Variants in TSC2 observed in about 807,000 individuals in gnomAD.
The protein encoded by TSC2 is TSC complex subunit 2.
In TSC2, 29 loss-of-function variants were observed where a neutral mutation model predicts 202.2. That is an observed-to-expected ratio of 0.14 (90% CI 0.11 to 0.20). TSC2 has a LOEUF of 0.20. Ranked by LOEUF, TSC2 falls within the 10% of genes least tolerant of loss-of-function variation. The pLI, the probability that TSC2 is intolerant of heterozygous loss-of-function variation, is 1.00. For synonymous variants in TSC2, 1,349 were observed against 1,044.0 expected (o/e 1.29, Z -5.63); for missense variants, 2,429 against 2,420.0 (o/e 1.00, Z -0.08).
In TSC2 at chr16:2,086,750, C is replaced by G. The variant is rs397515220; in HGVS notation, c.4868C>G (p.Thr1623Ser). Residue 1623 changes from threonine to serine, a missense_variant, in exon 38 of 42, where the codon ACC (threonine) becomes AGC (serine). By Grantham distance (58) the Thr-to-Ser change is moderately conservative. Coordinates refer to ENST00000219476, the MANE Select transcript of TSC2 (RefSeq NM_000548.5). The stretch of plus-strand genomic sequence containing the variant: ...CCCTCAGCCGTCTTCCACATCGCCA[C>G]CCTGATGCCCACCAAGGACGTGGAC... ...DIMQAVFHIA[T>S]LMPTKDVDKH... 1.9e-6 allele frequency: 3 copies of G among 1,610,798 alleles called. No homozygotes were observed. Among genetic ancestry groups the G allele is most frequent in the South Asian group, 1.1e-5 (1 of 91,006 alleles).
intron 10 of TSC2, among the ~76,000 whole-genome samples, chr16:2,059,401 G>A (rs980612912): frequency 2.2e-5 from 3 of 135,670 alleles, no homozygotes; most frequent in African/African-American, 8.5e-5. Context: ...GGAGTGCAAT[G>A]GTGCGATCTC....
At position 2,084,100 on chromosome 16, in the gene TSC2, C is replaced by T. The variant is rs1317014106; in HGVS notation, c.4006-128C>T. On this transcript the variant is annotated intron_variant, in intron 33 of 41. Transcript: ENST00000219476. The stretch of plus-strand genomic sequence containing the variant: ...CTGCGTCAACGGGCGGGGGCCGTAG[C>T]CTGGTGCTCGGGCTGGTCTGTGGCC... The T allele has an allele frequency of 8.0e-6, 12 of 1,504,978 alleles. No individual in the cohort carries two copies. In the Admixed American group the frequency reaches 2.4e-4, roughly 30 times the overall value. 93.2% of individuals were successfully genotyped at this position (1,504,978 alleles called of 1,614,324 possible).
At chr16:2,057,063 G>A in intron 8 of TSC2, 42 bp from the exon 9 acceptor site, 1 of 1,548,912 alleles carries the variant, frequency 6.5e-7, no homozygotes, top group Non-Finnish European at 8.7e-7. Flanking sequence ...CTGGGGGCAG[G>A]GCTTATGCCT....
chr16:2,082,532 G>T, intron 32 of TSC2, 28 bp downstream of exon 32: 1 of 1,607,134 alleles, frequency 6.2e-7, no homozygotes, highest in Non-Finnish European at 8.5e-7. Context: ...GAAGCGGTTG[G>T]CTGCAGAGCG....
At chr16:2,074,661 G>A in intron 22 of TSC2, 1 of 537,394 alleles carries the variant, frequency 1.9e-6, no homozygotes, top group Non-Finnish European at 3.4e-6. Flanking sequence ...CCTGGTTTTG[G>A]GCCTCCTCTC....
chr16:2,064,709 C>T, intron 15 of TSC2: 1 of 535,412 alleles, frequency 1.9e-6, no homozygotes, highest in Admixed American at 3.2e-5. Context: ...GGGGCTGGGG[C>T]TTTGGCCTGC....
At chr16:2,083,162 C>A (rs1315629258) in intron 32 of TSC2, 2 of 457,228 alleles carry the variant, frequency 4.4e-6, no homozygotes, top group Middle Eastern at 6.7e-4. Context: ...TCCTCTCCCC[C>A]TGTCCTGACG....
intron 11 of TSC2, chr16:2,061,571 G>A (rs960758879): frequency 4.2e-6 from 2 of 470,632 alleles, no homozygotes; most frequent in Non-Finnish European, 7.9e-6. Flanking sequence ...AGATTCCTTG[G>A]GGGGTGGGGT....
Position 2,088,682 on chromosome 16 carries a change from C to T in TSC2, c.*72C>T, listed in dbSNP as rs1478302208. ...CAGTGAAATAAATAAAGTCCTGACC[C>T]CAGTGCACAGACATAGAGGCACAGA... is the stretch of plus-strand genomic sequence containing the variant. On this transcript the variant is annotated 3_prime_UTR_variant, in exon 42 of 42. Coordinates refer to ENST00000219476, the MANE Select transcript of TSC2 (RefSeq NM_000548.5). 11 of 1,524,346 alleles carry T rather than the reference C, an allele frequency of 7.2e-6. No individual in the cohort carries two copies. The highest frequency in any genetic ancestry group is 9.7e-6 in the Non-Finnish European group (11 of 1,134,650). The allele number at this position is 1,524,346 out of a possible 1,614,324, so 94.4% of individuals were successfully genotyped here.
At chr16:2,067,227 T>C (rs569701091) in intron 16 of TSC2, among the ~76,000 whole-genome samples, 3 of 152,092 alleles carry the variant, frequency 2.0e-5, no homozygotes, top group South Asian at 2.1e-4. Flanking sequence ...GCTGTGACCA[T>C]AGCTCAGTGC....
At chr16:2,080,078 GC>G in intron 29 of TSC2, 86 bp from the exon 30 acceptor site, 2 of 1,566,658 alleles carry the variant, frequency 1.3e-6, no homozygotes, top group Admixed American at 3.4e-5. Flanking sequence ...GCACTAGCTT[GC>G]CAGGCTCGGG....
intron 37 of TSC2, 71 bp from the exon 38 acceptor site, chr16:2,086,661 G>T: frequency 6.3e-7 from 1 of 1,595,608 alleles, no homozygotes; most frequent in Non-Finnish European, 8.5e-7. Flanking sequence ...TAATCAGGAG[G>T]TGCCCCAGTG....
Position 2,082,420 on chromosome 16 carries a change from C to G in TSC2, c.3815-16C>G, listed in dbSNP as rs546810161. ...CTCCTCCTGCTGACGTGGCCGCACA[C>G]GGCCTTCCCTTGCAGTGGCCTCTTT... On this transcript the variant is annotated splice_polypyrimidine_tract_variant and intron_variant, in intron 31 of 41. Coordinates refer to ENST00000219476, the MANE Select transcript of TSC2 (RefSeq NM_000548.5). The G allele has an allele frequency of 1.9e-6, 3 of 1,612,426 alleles. No homozygotes were observed. The Admixed American group carries it at 5.0e-5, about 27-fold the overall frequency.
chr16:2,059,510 T>G (rs1392693229), intron 10 of TSC2, among the ~76,000 whole-genome samples: 1 of 26,122 alleles, frequency 3.8e-5, no homozygotes, highest in Non-Finnish European at 8.7e-5. Flanking sequence ...TGGCTAATGG[T>G]TTTTTTTTTT....
At position 2,080,276 on chromosome 16, in the gene TSC2, C is replaced by T. The variant is rs45517296; in HGVS notation, c.3509C>T (p.Ser1170Leu). Residue 1170 changes from serine (S) to leucine (L), a missense_variant, in exon 30 of 42, where the codon TCA (serine) becomes TTA (leucine). Coordinates refer to ENST00000219476, the MANE Select transcript of TSC2 (RefSeq NM_000548.5). Reference sequence around the variant, plus strand: ...CCAGCCGCGAAACCTGAGAAGGCCTCAGCTGGCACCCGGGTTCCTGTGCAG... The same window carrying T: ...CCAGCCGCGAAACCTGAGAAGGCCTTAGCTGGCACCCGGGTTCCTGTGCAG... ...TAPAAKPEKA[S>L]AGTRVPVQEK... is the part of the protein sequence containing the mutation. 6.2e-7 allele frequency: 1 copy of T among 1,612,998 alleles called. No homozygotes were observed.
At chr16:2,051,879 A>G (rs964140169) in intron 3 of TSC2, among the ~76,000 whole-genome samples, 6 of 152,202 alleles carry the variant, frequency 3.9e-5, no homozygotes, top group African/African-American at 9.7e-5. Context: ...CGCCTGGCCA[A>G]TGTGGCAAAA....
At chr16:2,064,047 G>C (rs1027952359) in intron 14 of TSC2, 1 of 665,134 alleles carries the variant, frequency 1.5e-6, no homozygotes, top group African/African-American at 1.8e-5. Flanking sequence ...CGGCCGCCCT[G>C]CGGTGCTCAC....
rs2151058085 is a variant in TSC2 at position 2,055,391 on chromosome 16, T to C, written c.482-11T>C. On this transcript the variant is annotated splice_polypyrimidine_tract_variant and intron_variant, in intron 5 of 41. Coordinates refer to ENST00000219476, the MANE Select transcript of TSC2 (RefSeq NM_000548.5). ...CGGCGTCCTCGCAAACTGCCGCCGC[T>C]TCTCCCCCAGCTGACTTTGTCCTGC... 5 of 1,612,792 alleles carry C rather than the reference T, an allele frequency of 3.1e-6. No individual in the cohort carries two copies. Among genetic ancestry groups the C allele is most frequent in the Non-Finnish European group, 4.2e-6 (5 of 1,178,892 alleles).
Position 2,071,895 on chromosome 16 carries a change from C to T in TSC2, c.2058C>T (p.Tyr686=), listed in dbSNP as rs1186913814. The change falls in exon 19 of 42, where the codon TAC becomes TAT. Residue 686 remains tyrosine, a synonymous_variant. Coordinates refer to ENST00000219476, the MANE Select transcript of TSC2 (RefSeq NM_000548.5). Reference sequence around the variant, plus strand: ...CCGTGCGGCTGGGGTCCGTGCCCTACTCCCTGCTCTTCCGCGTCCTGCTGC... The same window carrying T: ...CCGTGCGGCTGGGGTCCGTGCCCTATTCCCTGCTCTTCCGCGTCCTGCTGC... ...GPAVRLGSVP[Y]SLLFRVLLQC... 3.1e-6 allele frequency: 5 copies of T among 1,596,818 alleles called. No individual in the cohort carries two copies. The highest frequency in any genetic ancestry group is 1.1e-5 in the South Asian group (1 of 88,580).
Sources: allele counts gnomAD v4.1 joint callset (sites outside exome capture counted in the v4.1 genomes callset), GRCh38; gene constraint gnomAD v4.1.1; transcripts MANE v1.5; gene names NCBI Gene and HGNC (gene_info 2026-07-23, HGNC 2026-07-21).